NR4A1: variants seen among roughly 807,000 people sequenced by gnomAD.
NR4A1 encodes nuclear receptor subfamily 4immunitygroup A member 1.
In NR4A1, 24 loss-of-function variants were observed where a neutral mutation model predicts 47.5. The ratio of observed to expected loss-of-function variants is 0.50; its 90% CI spans 0.37 to 0.71. The LOEUF is 0.71. Ranked by LOEUF, NR4A1 falls within the 30% of genes least tolerant of loss-of-function variation. The pLI is 0.00. For missense variants in NR4A1, 669 were observed against 788.6 expected (o/e 0.85, Z 1.82); for synonymous variants, 353 against 345.7 (o/e 1.02, Z -0.24).
chr12:52,056,061 G>T lies in NR4A1; in HGVS notation c.908G>T (p.Cys303Phe). The T allele has an allele frequency of 6.4e-7, 1 of 1,574,094 alleles. No individual in the cohort carries two copies. Among genetic ancestry groups the T allele is most frequent in the Non-Finnish European group, 8.6e-7 (1 of 1,158,246 alleles). Residue 303 changes from cysteine to phenylalanine, a missense_variant, in exon 3 of 7, where the codon TGC (cysteine) becomes TTC (phenylalanine). Cys to Phe is a radical substitution (Grantham distance 205). Coordinates refer to ENST00000394825, the MANE Select transcript of NR4A1 (RefSeq NM_173157.3). ...RTVQKNAKYI[C>F]LANKDCPVDK... ...GTGCAGAAAAACGCCAAGTACATCT[G>T]CCTGGCTAACAAGGACTGCCCTGTG...
rs763168240 is a variant in NR4A1 at position 52,054,428 on chromosome 12, A to T, written c.100A>T (p.Thr34Ser). Residue 34 changes from threonine (T) to serine (S), a missense_variant, in exon 2 of 7, where the codon ACC becomes TCC. Thr to Ser is a moderately conservative substitution (Grantham distance 58, BLOSUM62 1). Transcript: ENST00000394825. Reference sequence around the variant, plus strand: ...CCTGACCCCTGAGTTCATCAAGCCCACCATGGACCTGGCCAGCCCCGAGGC... The same window carrying T: ...CCTGACCCCTGAGTTCATCAAGCCCTCCATGGACCTGGCCAGCCCCGAGGC... ...DPLTPEFIKPTMDLASPEAAP... is the reference protein window; with the variant it reads ...DPLTPEFIKPSMDLASPEAAP... 44 of 1,613,174 alleles carry T rather than the reference A, an allele frequency of 2.7e-5. No individual in the cohort carries two copies. The highest frequency in any genetic ancestry group is 3.4e-5 in the Non-Finnish European group (40 of 1,179,804).
chr12:52,035,502 G>T (rs535245233), intron 1 of NR4A1, among the ~76,000 whole-genome samples: 1 of 152,126 alleles, frequency 6.6e-6, no homozygotes, highest in East Asian at 1.9e-4. Context: ...AGGGGGTGGG[G>T]TAGCTGCTCC....
chr12:52,035,160 C>T (rs184480810), intron 1 of NR4A1, among the ~76,000 whole-genome samples: 2 of 152,320 alleles, frequency 1.3e-5, no homozygotes, highest in Admixed American at 1.3e-4. Context: ...TTCAGTCCTC[C>T]GACAACCAGT....
chr12:52,035,452 G>A (rs751986410), intron 1 of NR4A1, among the ~76,000 whole-genome samples: 12 of 151,982 alleles, frequency 7.9e-5, no homozygotes, highest in Non-Finnish European at 1.6e-4. Context: ...ATTTTAAAAT[G>A]TATTTCAAAA....
rs555098127 is a variant in NR4A1 at position 52,058,339 on chromosome 12, AG to A, written c.1541-346del. The A allele has an allele frequency of 5.6e-5, 15 of 268,654 alleles. No individual in the cohort carries two copies. In the South Asian group the frequency reaches 1.4e-3, roughly 26 times the overall value. 16.6% of individuals were successfully genotyped at this position (268,654 alleles called of 1,614,324 possible). On this transcript the variant is annotated intron_variant, in intron 6 of 6. Transcript: ENST00000394825. ...ACACAATCAGAGGTACTCTGGGCTG[AG>A]GGAGTGCTGAGTTCTGAGGCTGGGT...
intron 1 of NR4A1, 64 bp downstream of exon 1, chr12:52,051,632 C>T (rs999101448): frequency 2.1e-6 from 2 of 958,082 alleles, no homozygotes; most frequent in East Asian, 2.3e-4. Context: ...GATGGGTGTA[C>T]GCGCGGGCAG....
upstream of NR4A1, among the ~76,000 whole-genome samples, chr12:52,049,394 G>C (rs1938808376): frequency 6.6e-6 from 1 of 152,228 alleles, no homozygotes; most frequent in Non-Finnish European, 1.5e-5. Context: ...GAGGAGACAG[G>C]CAGGCTAATG....
chr12:52,056,296 C>T, intron 3 of NR4A1, 137 bp downstream of exon 3: 2 of 1,414,736 alleles, frequency 1.4e-6, no homozygotes, highest in South Asian at 2.8e-5. Flanking sequence ...AACCCCAGGC[C>T]TTGGAGGGAG....
rs2120981887 is a variant in NR4A1, at chr12:52,042,041, C to T, written c.37+112C>T. The T allele has an allele frequency of 2.5e-6, 3 of 1,192,572 alleles. No individual in the cohort carries two copies. In the South Asian group the frequency reaches 1.1e-4, roughly 45 times the overall value. The allele number at this position is 1,192,572 out of a possible 1,614,324, so 73.9% of individuals were successfully genotyped here. A position where few individuals can be genotyped will look rare whatever the true frequency, so the allele number is the denominator to read the frequency against. Reference sequence around the variant, plus strand: ...TGTGGTTAGGGGGATGGAGGGGAAGCCCTGGGGAGGTGGCAGCCGAGGTGC... The same window carrying T: ...TGTGGTTAGGGGGATGGAGGGGAAGTCCTGGGGAGGTGGCAGCCGAGGTGC... On this transcript the variant is annotated intron_variant, in intron 2 of 7. Transcript: ENST00000360284.
intron 1 of NR4A1, among the ~76,000 whole-genome samples, chr12:52,023,596 GA>G (rs1273803902): frequency 6.6e-6 from 1 of 150,438 alleles, no homozygotes; most frequent in Non-Finnish European, 1.5e-5. Flanking sequence ...CCCAGCCGCA[GA>G]CACGGGCGCC....
intron 1 of NR4A1, among the ~76,000 whole-genome samples, chr12:52,031,067 G>GTGC (rs1470193943): frequency 6.6e-6 from 1 of 152,092 alleles, no homozygotes; most frequent in East Asian, 1.9e-4. Flanking sequence ...CCAGGCTGGA[G>GTGC]TGCAGTGGTG....
At position 52,057,348 on chromosome 12, in the gene NR4A1, C is replaced by T; in HGVS notation, c.1362-4C>T. Reference sequence around the variant, plus strand: ...ATCGCTCTTCGTGCCCATCTGCCTGCCAGGTCTAAGCCAGGCGAGGGCAAG... The same window carrying T: ...ATCGCTCTTCGTGCCCATCTGCCTGTCAGGTCTAAGCCAGGCGAGGGCAAG... On this transcript the variant is annotated splice_region_variant and splice_polypyrimidine_tract_variant and intron_variant, in intron 5 of 6. Coordinates refer to ENST00000394825, the MANE Select transcript of NR4A1 (RefSeq NM_173157.3). 1.2e-6 allele frequency: 2 copies of T among 1,614,144 alleles called. No individual in the cohort carries two copies. Among genetic ancestry groups the T allele is most frequent in the Non-Finnish European group, 1.7e-6 (2 of 1,180,014 alleles).
chr12:52,051,902 G>A (rs893011426), intron 1 of NR4A1, among the ~76,000 whole-genome samples: 4 of 152,070 alleles, frequency 2.6e-5, no homozygotes, highest in Admixed American at 2.0e-4. Flanking sequence ...GGTGGGTGTG[G>A]ATGGGGGTCA....
At chr12:52,032,092 GTTAATT>G (rs1177786558) in intron 1 of NR4A1, among the ~76,000 whole-genome samples, 1 of 152,174 alleles carries the variant, frequency 6.6e-6, no homozygotes, top group African/African-American at 2.4e-5. Context: ...CACCGTGATG[GTTAATT>G]TTAAGTGTCA....
At chr12:52,040,212 A>G (rs959612903) in intron 1 of NR4A1, among the ~76,000 whole-genome samples, 4 of 151,866 alleles carry the variant, frequency 2.6e-5, no homozygotes, top group African/African-American at 9.7e-5. Flanking sequence ...TTGTGATGTG[A>G]CTATTGAGGG....
chr12:52,054,844 A>G lies in NR4A1; in HGVS notation c.516A>G (p.Ala172=), dbSNP rs1307051935. Residue 172 remains alanine, a synonymous_variant, in exon 2 of 7, where the codon GCA becomes GCG. Coordinates refer to ENST00000394825, the MANE Select transcript of NR4A1 (RefSeq NM_173157.3). ...GCCAGACTTACGAAGGCCTGCGGGCATGGACAGAGCAGCTGCCCAAAGCCT... is the reference window on the plus strand; with the variant it reads ...GCCAGACTTACGAAGGCCTGCGGGCGTGGACAGAGCAGCTGCCCAAAGCCT... The part of the protein sequence containing the change: ...SPSQTYEGLR[A]WTEQLPKASG... 6.2e-6 allele frequency: 10 copies of G among 1,613,904 alleles called. No homozygotes were observed. The highest frequency in any genetic ancestry group is 8.5e-6 in the Non-Finnish European group (10 of 1,179,990).
At chr12:52,052,297 G>A (rs1365360876) in intron 1 of NR4A1, among the ~76,000 whole-genome samples, 4 of 144,194 alleles carry the variant, frequency 2.8e-5, no homozygotes, top group African/African-American at 8.5e-5. Flanking sequence ...GTGTGTGTGT[G>A]TGTGTGTGAG....
intron 6 of NR4A1, chr12:52,058,384 T>G: frequency 5.0e-6 from 2 of 396,248 alleles, no homozygotes; most frequent in Non-Finnish European, 4.5e-6. Flanking sequence ...ACAGTCTAGA[T>G]TTTAAAAACC....
At chr12:52,056,906 A>G (rs1215714747) in intron 4 of NR4A1, 151 bp from the exon 5 acceptor site, 2 of 849,222 alleles carry the variant, frequency 2.4e-6, no homozygotes, top group Non-Finnish European at 3.6e-6. Context: ...CCCTGGGTTA[A>G]TATGTGAGAC....
Sources: gnomAD v4.1 joint callset for allele counts (sites outside exome capture counted in the v4.1 genomes callset) on GRCh38, gnomAD v4.1.1 for gene constraint, MANE v1.5 for transcripts, NCBI Gene and HGNC (gene_info 2026-07-23, HGNC 2026-07-21) for gene names.